Variants in NPAS3 observed in about 807,000 individuals in gnomAD.
NPAS3 encodes the protein neuronal PAS domain protein 3.
NPAS3 carries 14 observed loss-of-function variants against 73.1 expected under a neutral mutation model. The observed-to-expected ratio is 0.19, with a 90% CI of 0.13 to 0.30. The LOEUF is 0.30. Among genes scored for constraint, NPAS3 ranks in the 10% least tolerant of loss-of-function variants. NPAS3 has a pLI of 1.00. For synonymous variants in NPAS3, 620 were observed against 541.5 expected (o/e 1.14, Z -2.01); for missense variants, 1,096 against 1,250.0 (o/e 0.88, Z 1.86).
intron 1 of NPAS3, among the ~76,000 whole-genome samples, chr14:32,985,221 A>G (rs975447577): frequency 2.0e-5 from 3 of 152,168 alleles, no homozygotes; most frequent in Non-Finnish European, 2.9e-5. Context: ...AATCCTACCA[A>G]TGGGCTTGGT....
intron 5 of NPAS3, among the ~76,000 whole-genome samples, chr14:33,646,833 G>GGT (rs1322549326): frequency 4.3e-5 from 6 of 137,986 alleles, no homozygotes; most frequent in African/African-American, 1.5e-4. Context: ...GATTTGAGTG[G>GGT]GTCCTTATTT....
At chr14:33,801,082 A>C (rs769552052) in exon 12 of NPAS3, 1 of 1,591,470 alleles carries the variant, frequency 6.3e-7, no homozygotes, top group Non-Finnish European at 8.6e-7. Context: ...TCCACGCGGC[A>C]CAGACTCTGG....
chr14:33,429,847 G>C (rs1224406559), intron 4 of NPAS3, among the ~76,000 whole-genome samples: 1 of 152,126 alleles, frequency 6.6e-6, no homozygotes, highest in African/African-American at 2.4e-5. Flanking sequence ...AATTGTTTCT[G>C]TTTTCCATGT....
intron 4 of NPAS3, among the ~76,000 whole-genome samples, chr14:33,474,686 T>C (rs1468204547): frequency 6.6e-6 from 1 of 152,178 alleles, no homozygotes; most frequent in African/African-American, 2.4e-5. Flanking sequence ...GAGAAGGGTA[T>C]AAATTTGAGA....
At chr14:33,614,444 C>T (rs17406989) in intron 5 of NPAS3, among the ~76,000 whole-genome samples, 1 of 152,096 alleles carries the variant, frequency 6.6e-6, no homozygotes. Flanking sequence ...TTTCTTCTTG[C>T]TACCTTAGTG....
At chr14:33,673,925 A>G (rs373666479) in intron 5 of NPAS3, among the ~76,000 whole-genome samples, 2 of 152,048 alleles carry the variant, frequency 1.3e-5, no homozygotes, top group African/African-American at 4.8e-5. Context: ...AGCCTTAACT[A>G]CAGTATACAT....
intron 3 of NPAS3, among the ~76,000 whole-genome samples, chr14:33,284,816 A>C (rs137961686): frequency 2.7e-5 from 4 of 146,066 alleles, no homozygotes; most frequent in South Asian, 2.2e-4. Flanking sequence ...ATCTATCTAT[A>C]TAATCTTCTC....
In NPAS3 at chr14:33,367,177, T is replaced by C; in HGVS notation, c.386-9T>C. The C allele has an allele frequency of 2.4e-6, 2 of 839,252 alleles. 1 individual carries two copies. Among genetic ancestry groups the C allele is most frequent in the South Asian group, 2.9e-5 (2 of 69,656 alleles). 52.0% of individuals were successfully genotyped at this position (839,252 alleles called of 1,614,324 possible). ...TTGTTCTGTTTTCTTTCTTTCTTTT[T>C]CTTTTAAGTTATAGGTGCACAGCGA... On this transcript the variant is annotated splice_polypyrimidine_tract_variant and intron_variant, in intron 3 of 11. Transcript: ENST00000356141.
In NPAS3 at chr14:33,782,458, T is replaced by G. The variant is rs117407471; in HGVS notation, c.1153+3886T>G. Among the ~76,000 whole-genome samples, 96 of 152,338 alleles carry G rather than the reference T, an allele frequency of 6.3e-4. 1 individual carries two copies. In the East Asian group the frequency reaches 0.013, roughly 20 times the overall value. On this transcript the variant is annotated intron_variant, in intron 9 of 11. Coordinates refer to ENST00000356141, the Ensembl canonical transcript of NPAS3. ...GCTTTGCACTGCTCTTTATTCCCATTTAATCCAGCCCTTTGTCTAGAGAAG... is the reference window on the plus strand; with the variant it reads ...GCTTTGCACTGCTCTTTATTCCCATGTAATCCAGCCCTTTGTCTAGAGAAG...
chr14:32,968,827 G>A (rs1476372281), intron 1 of NPAS3, among the ~76,000 whole-genome samples: 2 of 151,214 alleles, frequency 1.3e-5, no homozygotes, highest in East Asian at 1.9e-4. Flanking sequence ...AGGGTGTGCA[G>A]GTTTGTTACA....
chr14:33,454,193 G>T (rs559579976), intron 4 of NPAS3, among the ~76,000 whole-genome samples: 33 of 152,182 alleles, frequency 2.2e-4, no homozygotes, highest in Admixed American at 2.1e-3. Flanking sequence ...TATTTACAGT[G>T]CCAGTAAGTG....
chr14:33,797,274 C>T (rs2063539507), intron 10 of NPAS3, among the ~76,000 whole-genome samples, 183 bp from the exon 11 acceptor site: 2 of 152,218 alleles, frequency 1.3e-5, no homozygotes, highest in Non-Finnish European at 2.9e-5. Flanking sequence ...TGCACCTGTG[C>T]CTTGGCACAT....
intron 4 of NPAS3, among the ~76,000 whole-genome samples, chr14:33,392,046 A>G (rs10143306): frequency 0.12 from 18,297 of 152,196 alleles, 1,341 homozygotes; most frequent in African/African-American, 0.2. Context: ...TTTAAAGAAA[A>G]TGGGTTAAAA....
chr14:33,266,471 A>G (rs1263405811), intron 3 of NPAS3, among the ~76,000 whole-genome samples: 1 of 152,188 alleles, frequency 6.6e-6, no homozygotes, highest in Non-Finnish European at 1.5e-5. Context: ...TGATTATGCC[A>G]TTTTAGATAT....
chr14:33,482,812 G>A (rs905159402), intron 4 of NPAS3, among the ~76,000 whole-genome samples: 1 of 152,020 alleles, frequency 6.6e-6, no homozygotes. Flanking sequence ...TGGAGGTGCC[G>A]TATCTGCCTT....
intron 1 of NPAS3, among the ~76,000 whole-genome samples, chr14:32,974,235 T>A (rs1340966011): frequency 6.6e-6 from 1 of 152,314 alleles, no homozygotes; most frequent in Admixed American, 6.5e-5. Context: ...ACACTTAAGA[T>A]TGCTAGTCAC....
In NPAS3 at chr14:33,003,392, T is replaced by C. The variant is rs1953440; in HGVS notation, c.51-52513T>C. Among the ~76,000 whole-genome samples, 933 of 152,310 alleles carry C rather than the reference T, an allele frequency of 6.1e-3. 12 individuals are homozygous for C. Among genetic ancestry groups the C allele is most frequent in the African/African-American group, 0.022 (899 of 41,576 alleles). ...CAGGCCAACTGCACAACTAAATGCA[T>C]GTGAAACTTAACAAATCCCTTGGGA... On this transcript the variant is annotated intron_variant, in intron 1 of 11. Coordinates refer to ENST00000356141, the Ensembl canonical transcript of NPAS3.
chr14:33,675,752 A>C (rs2059743967), intron 5 of NPAS3, among the ~76,000 whole-genome samples: 1 of 152,204 alleles, frequency 6.6e-6, no homozygotes, highest in African/African-American at 2.4e-5. Flanking sequence ...CATCTTGGAA[A>C]TCTGTGTATT....
chr14:33,436,887 TCTTC>T (rs1047779442), intron 4 of NPAS3, among the ~76,000 whole-genome samples: 6 of 152,196 alleles, frequency 3.9e-5, no homozygotes, highest in African/African-American at 1.2e-4. Flanking sequence ...AAACAACAAC[TCTTC>T]CTTATTGAAA....
Sources: allele counts gnomAD v4.1 joint callset (sites outside exome capture counted in the v4.1 genomes callset), GRCh38; gene constraint gnomAD v4.1.1; transcripts MANE v1.5; gene names NCBI Gene and HGNC (gene_info 2026-07-23, HGNC 2026-07-21).